Variants in PAFAH1B2 observed in about 807,000 individuals in gnomAD.
PAFAH1B2 encodes platelet-activating factor acetylhydrolase IB subunit alpha2.
Under a neutral mutation model 28.0 loss-of-function variants are expected in PAFAH1B2, and 8 were observed. The observed-to-expected ratio is 0.29, with a 90% CI of 0.17 to 0.52. The LOEUF is 0.52. PAFAH1B2 is among the 20% of genes least tolerant of loss of function. The pLI is 0.97. For synonymous variants in PAFAH1B2, 104 were observed against 103.2 expected (o/e 1.01, Z -0.05); for missense variants, 190 against 282.6 (o/e 0.67, Z 2.35).
chr11:117,154,309 AG>A (rs1166495456), intron 2 of PAFAH1B2, among the ~76,000 whole-genome samples: 1 of 152,232 alleles, frequency 6.6e-6, no homozygotes, highest in Non-Finnish European at 1.5e-5. Context: ...GGAAAAGAAA[AG>A]AAAAGTAGTA....
At position 117,160,057 on chromosome 11, in the gene PAFAH1B2, T is replaced by C. The variant is rs199640339; in HGVS notation, c.171+34T>C. ...GGAAGGGATGAGCGTGGTTCTTGGC[T>C]ACTCATGTATATCCATTCATTACTA... On this transcript the variant is annotated intron_variant, in intron 3 of 5. Coordinates refer to ENST00000527958, the MANE Select transcript of PAFAH1B2 (RefSeq NM_002572.4). 2,236 of 1,366,294 alleles carry C rather than the reference T, an allele frequency of 1.6e-3. 4 individuals carry two copies. Among genetic ancestry groups the C allele is most frequent in the Non-Finnish European group, 2.2e-3 (2,059 of 953,622 alleles). 84.6% of individuals were successfully genotyped at this position (1,366,294 alleles called of 1,614,324 possible).
chr11:117,156,802 C>A (rs190039465), intron 2 of PAFAH1B2, among the ~76,000 whole-genome samples: 2 of 151,990 alleles, frequency 1.3e-5, no homozygotes, highest in East Asian at 3.9e-4. Context: ...GTGAGTGGAT[C>A]GCTTGAGTTC....
chr11:117,178,145 A>G (rs2134243635), downstream of PAFAH1B2, among the ~76,000 whole-genome samples: 1 of 152,370 alleles, frequency 6.6e-6, no homozygotes, highest in African/African-American at 2.4e-5. Context: ...AGTTTTCACC[A>G]ATTTACACTG....
In PAFAH1B2 at chr11:117,159,624, A is replaced by G. The variant is rs1956325241; in HGVS notation, c.82-310A>G. 2.3e-5 allele frequency: 6 copies of G among 266,134 alleles called. No individual in the cohort carries two copies. The South Asian group carries it at 2.4e-4, about 11-fold the overall frequency. 16.5% of individuals were successfully genotyped at this position (266,134 alleles called of 1,614,324 possible). On this transcript the variant is annotated intron_variant, in intron 2 of 5. Coordinates refer to ENST00000527958, the MANE Select transcript of PAFAH1B2 (RefSeq NM_002572.4). Reference sequence around the variant, plus strand: ...GTGGCATGAGCCTATAATCCCAGCTATTCAGGTGACTGAGGTGGGAAGATG... The same window carrying G: ...GTGGCATGAGCCTATAATCCCAGCTGTTCAGGTGACTGAGGTGGGAAGATG...
chr11:117,152,335 C>A (rs1254697022), intron 1 of PAFAH1B2, 106 bp from the exon 2 acceptor site: 4 of 672,312 alleles, frequency 5.9e-6, no homozygotes, highest in East Asian at 5.4e-5. Context: ...TCTAGGCAAA[C>A]CACATAAAAC....
chr11:117,172,388 ATATATATATATATATATTTT>A (rs1956685918), downstream of PAFAH1B2, among the ~76,000 whole-genome samples: 2 of 1,840 alleles, frequency 1.1e-3, no homozygotes, highest in Non-Finnish European at 2.1e-3. Context: ...ATATATATAT[ATATATATATATATATATTTT>A]TTTTTTTTTT....
chr11:117,174,423 A>T (rs927130743), downstream of PAFAH1B2, among the ~76,000 whole-genome samples: 43 of 151,734 alleles, frequency 2.8e-4, no homozygotes, highest in Non-Finnish European at 5.1e-4. Flanking sequence ...ACCTCAGGTG[A>T]TCCACCCACC....
At chr11:117,148,863 AAAT>A (rs530323255) in intron 1 of PAFAH1B2, among the ~76,000 whole-genome samples, 202 of 152,124 alleles carry the variant, frequency 1.3e-3, no homozygotes, top group African/African-American at 4.6e-3. Context: ...TATAGGAAAA[AAAT>A]CTCAGAACAT....
chr11:117,160,302 T>A (rs1460514169), intron 3 of PAFAH1B2, among the ~76,000 whole-genome samples: 1 of 152,210 alleles, frequency 6.6e-6, no homozygotes, highest in Non-Finnish European at 1.5e-5. Context: ...CTACTCAGAT[T>A]GTCAAGTTAT....
intron 5 of PAFAH1B2, among the ~76,000 whole-genome samples, chr11:117,166,121 G>A (rs1274225892): frequency 6.6e-6 from 1 of 152,126 alleles, no homozygotes; most frequent in Non-Finnish European, 1.5e-5. Context: ...GGGATTACAG[G>A]CGTGAGCCAC....
chr11:117,149,778 T>A (rs982902069), intron 1 of PAFAH1B2, among the ~76,000 whole-genome samples: 7 of 151,890 alleles, frequency 4.6e-5, no homozygotes, highest in African/African-American at 1.7e-4. Flanking sequence ...TCACTATAAT[T>A]TAAGATTCAC....
At position 117,170,653 on chromosome 11, in the gene PAFAH1B2, A is replaced by G. The variant is rs996352646; in HGVS notation, c.*2954A>G. ...AAAAAAAAAAAAAAAAAAAAGTCCA[A>G]CTTACTTTATTTTATTTTTTTAACC... is the stretch of plus-strand genomic sequence containing the variant. On this transcript the variant is annotated 3_prime_UTR_variant, in exon 6 of 6. Transcript: ENST00000527958. 1.1e-4 allele frequency: 117 copies of G among 1,056,096 alleles called. No individual in the cohort carries two copies. Among genetic ancestry groups the G allele is most frequent in the Non-Finnish European group, 1.2e-4 (108 of 873,318 alleles). The allele number at this position is 1,056,096 out of a possible 1,614,324, so 65.4% of individuals were successfully genotyped here.
At chr11:117,178,018 G>A (rs2030080264), downstream of PAFAH1B2, among the ~76,000 whole-genome samples, 1 of 152,168 alleles carries the variant, frequency 6.6e-6, no homozygotes, top group Non-Finnish European at 1.5e-5. Context: ...AGCTGCCCAG[G>A]TATTTTTATC....
chr11:117,163,712 C>T (rs1013029467), intron 4 of PAFAH1B2, 58 bp from the exon 5 acceptor site: 12 of 1,520,922 alleles, frequency 7.9e-6, no homozygotes, highest in Admixed American at 1.9e-5. Flanking sequence ...AAATGTTGGA[C>T]GTTCCTTTGT....
chr11:117,164,428 C>T (rs532361336), intron 5 of PAFAH1B2, among the ~76,000 whole-genome samples: 13 of 151,784 alleles, frequency 8.6e-5, no homozygotes, highest in Non-Finnish European at 1.5e-4. Flanking sequence ...GTATGGAAGC[C>T]GTTTGGTGCC....
chr11:117,152,558 A>T (rs778198447), intron 2 of PAFAH1B2, 30 bp downstream of exon 2: 1 of 1,442,858 alleles, frequency 6.9e-7, no homozygotes, highest in South Asian at 1.1e-5. Flanking sequence ...TATCATTCAC[A>T]TGAGTTGAGT....
At position 117,147,082 on chromosome 11, in the gene PAFAH1B2, A is replaced by G. The variant is rs898983104; in HGVS notation, c.-8+2664A>G. On this transcript the variant is annotated intron_variant, in intron 1 of 5. Coordinates refer to ENST00000527958, the MANE Select transcript of PAFAH1B2 (RefSeq NM_002572.4). ...TCAGGAGTTCGAGACCACCCTGACC[A>G]ATATGATGAAACCCCGTCTTCACTA... Among the ~76,000 whole-genome samples the G allele has an allele frequency of 3.2e-4, 48 of 152,208 alleles. 1 individual carries two copies. Among genetic ancestry groups the G allele is most frequent in the African/African-American group, 1.2e-3 (48 of 41,536 alleles).
intron 2 of PAFAH1B2, among the ~76,000 whole-genome samples, chr11:117,155,403 A>G (rs1004397450): frequency 6.6e-6 from 1 of 152,242 alleles, no homozygotes; most frequent in African/African-American, 2.4e-5. Context: ...TAGATACCTT[A>G]TATTATCAAT....
chr11:117,163,556 C>G (rs1442887452), intron 4 of PAFAH1B2, among the ~76,000 whole-genome samples: 1 of 151,970 alleles, frequency 6.6e-6, no homozygotes, highest in African/African-American at 2.4e-5. Context: ...GCCTGTAGTC[C>G]CAGCTACTCG....
Sources: allele counts gnomAD v4.1 joint callset (sites outside exome capture counted in the v4.1 genomes callset), GRCh38; gene constraint gnomAD v4.1.1; transcripts MANE v1.5; gene names NCBI Gene and HGNC (gene_info 2026-07-23, HGNC 2026-07-21).